RAD52: variants seen among roughly 807,000 people sequenced by gnomAD.
RAD52 encodes DNA repair protein RAD52 homolog.
Under a neutral mutation model 55.5 loss-of-function variants are expected in RAD52, and 47 were observed. The observed-to-expected ratio is 0.85, with a 90% confidence interval of 0.67 to 1.08. The LOEUF (loss-of-function observed/expected upper bound fraction) is 1.08. RAD52 is among the 50% of genes least tolerant of loss of function. The probability of loss-of-function intolerance (pLI) is 0.00; values close to 1 mark genes in which losing one functional copy is unlikely to be tolerated. For missense variants in RAD52, 468 were observed against 522.8 expected (o/e 0.90, Z 1.02); for synonymous variants, 184 against 198.9 (o/e 0.92, Z 0.63).
chr12:913,225 T>G lies in RAD52; in HGVS notation c.*166A>C. On this transcript the variant is annotated 3_prime_UTR_variant, in exon 12 of 12. Coordinates refer to ENST00000358495, the MANE Select transcript of RAD52 (RefSeq NM_134424.4). ...CAAGCTTTTCAAAAGTGCTCAGCTC[T>G]AACTGCAGTGGGCTCTCAGTCAGAT... is the stretch of plus-strand genomic sequence containing the variant. 1.5e-6 allele frequency: 1 copy of G among 662,072 alleles called. No homozygotes were observed. Among genetic ancestry groups the G allele is most frequent in the Non-Finnish European group, 2.7e-6 (1 of 376,578 alleles). The allele number at this position is 662,072 out of a possible 1,614,324, so 41.0% of individuals were successfully genotyped here.
At position 916,496 on chromosome 12, in the gene RAD52, G is replaced by T. The variant is rs903450295; in HGVS notation, c.726-13C>A. On this transcript the variant is annotated splice_polypyrimidine_tract_variant and intron_variant, in intron 8 of 11. Transcript: ENST00000358495. ...TGAGCTCAGGCTTCTGCATGAGAGG[G>T]CGGCGGCGAGGACGGGCTCCTGAGC... 1 of 1,606,210 alleles carries T rather than the reference G, an allele frequency of 6.2e-7. No individual in the cohort carries two copies. Among genetic ancestry groups the T allele is most frequent in the African/African-American group, 1.3e-5 (1 of 74,890 alleles).
rs190542448 is a variant in RAD52, at chr12:938,014, A to C, written c.-18-4938T>G. On this transcript the variant is annotated intron_variant, in intron 1 of 11. Coordinates refer to ENST00000358495, the MANE Select transcript of RAD52 (RefSeq NM_134424.4). ...CCCGTGGCAACAGGCTTGAAAACTC[A>C]CCCTTTGTTGTCAAACTTTCCTTTC... is the stretch of plus-strand genomic sequence containing the variant. 1.8e-4 allele frequency among the ~76,000 whole-genome samples: 27 copies of C among 151,932 alleles called. No individual in the cohort carries two copies. In the East Asian group the frequency reaches 5.0e-3, roughly 28 times the overall value.
upstream of RAD52, chr12:990,329 G>A (rs1338606241): frequency 6.6e-6 from 1 of 151,804 alleles, no homozygotes; most frequent in Admixed American, 6.6e-5. Context: ...TTAAATTAAT[G>A]GCTGTAGCTA....
At chr12:922,953 C>T (rs1034511391) in intron 7 of RAD52, among the ~76,000 whole-genome samples, 79 of 152,030 alleles carry the variant, frequency 5.2e-4, no homozygotes, top group Admixed American at 1.3e-4. Context: ...GCCTCAGCCT[C>T]CAGAAGAGCT....
chr12:983,158 C>T (rs901868826), intron 1 of RAD52, among the ~76,000 whole-genome samples: 2 of 152,018 alleles, frequency 1.3e-5, no homozygotes, highest in Non-Finnish European at 2.9e-5. Context: ...CTCAATCAGG[C>T]TTTTTCCAGC....
At chr12:967,106 C>T (rs1182997617) in intron 1 of RAD52, among the ~76,000 whole-genome samples, 3 of 151,988 alleles carry the variant, frequency 2.0e-5, no homozygotes, top group African/African-American at 7.3e-5. Context: ...GGTCTGGACA[C>T]AGTGGCTCAT....
chr12:961,520 A>C (rs370166813), intron 1 of RAD52, among the ~76,000 whole-genome samples: 3 of 151,940 alleles, frequency 2.0e-5, no homozygotes, highest in East Asian at 1.9e-4. Flanking sequence ...GCCCTAATCT[A>C]ACCTGACTGG....
intron 7 of RAD52, among the ~76,000 whole-genome samples, chr12:920,187 A>T (rs1248326028): frequency 9.1e-6 from 1 of 109,904 alleles, no homozygotes; most frequent in Non-Finnish European, 1.9e-5. Flanking sequence ...ACTGCACTCT[A>T]GCCTGGGCGG....
chr12:915,511 G>A (rs1005356324), intron 9 of RAD52, among the ~76,000 whole-genome samples: 3 of 152,162 alleles, frequency 2.0e-5, no homozygotes, highest in Non-Finnish European at 2.9e-5. Flanking sequence ...CTCTGAGTAA[G>A]GACTACCTAC....
chr12:918,970 T>C (rs945400690), intron 7 of RAD52, among the ~76,000 whole-genome samples: 1 of 152,160 alleles, frequency 6.6e-6, no homozygotes, highest in Non-Finnish European at 1.5e-5. Context: ...ACAGTACAAT[T>C]CCATTTGTGA....
At chr12:927,961 C>T (rs1447090009) in intron 5 of RAD52, among the ~76,000 whole-genome samples, 2 of 152,128 alleles carry the variant, frequency 1.3e-5, no homozygotes, top group East Asian at 3.8e-4. Context: ...CTTTGTAAAT[C>T]AGGTGGCGTC....
At position 912,795 on chromosome 12, in the gene RAD52, G is replaced by GA. The variant is rs945496379; in HGVS notation, c.*595dup. ...CTTAGATGATTATTTCCTTCCTTAG[G>GA]AAAAAATGTCAGTCTTGAAACAATG... On this transcript the variant is annotated 3_prime_UTR_variant, in exon 12 of 12. Transcript: ENST00000358495. The GA allele has an allele frequency of 3.3e-5, 6 of 179,134 alleles. No individual in the cohort carries two copies. Among genetic ancestry groups the GA allele is most frequent in the East Asian group, 9.4e-5 (1 of 10,650 alleles). The allele number at this position is 179,134 out of a possible 1,614,324, so 11.1% of individuals were successfully genotyped here.
rs148790198 is a variant in RAD52 at position 965,217 on chromosome 12, A to G, written c.-19+24592T>C. Among the ~76,000 whole-genome samples, 5 of 151,898 alleles carry G rather than the reference A, an allele frequency of 3.3e-5. No homozygotes were observed. The East Asian group carries it at 9.7e-4, about 30-fold the overall frequency. On this transcript the variant is annotated intron_variant, in intron 1 of 11. Coordinates refer to the RAD52 transcript ENST00000430095. ...TTGGTCTTGATCTCCTGACTTGGTG[A>G]TCCGCCCACCTCGACTCCCAAAGTG...
At chr12:949,039 G>GT (rs1314810966) in intron 1 of RAD52, among the ~76,000 whole-genome samples, 1 of 152,130 alleles carries the variant, frequency 6.6e-6, no homozygotes, top group East Asian at 1.9e-4. Context: ...CTCAGCTAAA[G>GT]TGAGCGTCAA....
chr12:953,504 C>T (rs1268876828), upstream of RAD52, among the ~76,000 whole-genome samples: 2 of 152,222 alleles, frequency 1.3e-5, no homozygotes, highest in Non-Finnish European at 2.9e-5. Context: ...TGTATGTCTA[C>T]GACCCAGTGA....
chr12:913,063 AG>A lies in RAD52; in HGVS notation c.*327del, dbSNP rs373916614. The A allele has an allele frequency of 1.9e-5, 4 of 208,182 alleles. No homozygotes were observed. The highest frequency in any genetic ancestry group is 8.8e-5 in the Admixed American group (1 of 11,310). 12.9% of individuals were successfully genotyped at this position (208,182 alleles called of 1,614,324 possible). A position where few individuals can be genotyped will look rare whatever the true frequency, so the allele number is the denominator to read the frequency against. The stretch of plus-strand genomic sequence containing the variant: ...GACCAAGTCTGGCCTATATTGCTTG[AG>A]GGCAAGGAGCCATTGGTGATTCCTA... On this transcript the variant is annotated 3_prime_UTR_variant, in exon 12 of 12. Transcript: ENST00000358495.
At position 912,734 on chromosome 12, in the gene RAD52, A is replaced by C. The variant is rs934428392; in HGVS notation, c.*657T>G. Reference sequence around the variant, plus strand: ...CCAGACCCCGTCTCAAAAAAAAAAAAAAAAAAAAAAACAAAAAACAGCCTT... The same window carrying C: ...CCAGACCCCGTCTCAAAAAAAAAAACAAAAAAAAAAACAAAAAACAGCCTT... On this transcript the variant is annotated 3_prime_UTR_variant, in exon 12 of 12. Transcript: ENST00000358495. The C allele has an allele frequency of 8.6e-5, 12 of 140,044 alleles. No individual in the cohort carries two copies. The highest frequency in any genetic ancestry group is 3.0e-3 in the Middle Eastern group (1 of 336). The allele number at this position is 140,044 out of a possible 1,614,324, so 8.7% of individuals were successfully genotyped here.
chr12:965,834 GCAC>G (rs1431273590), intron 1 of RAD52, among the ~76,000 whole-genome samples: 1 of 151,842 alleles, frequency 6.6e-6, no homozygotes, highest in African/African-American at 2.4e-5. Context: ...TTACACATAT[GCAC>G]CACCACACCT....
intron 1 of RAD52, among the ~76,000 whole-genome samples, chr12:984,822 G>T (rs1008509439): frequency 1.4e-4 from 22 of 152,262 alleles, no homozygotes; most frequent in South Asian, 4.1e-4. Flanking sequence ...CCGCCACCAT[G>T]CCCGGCTAAT....
Sources: allele counts gnomAD v4.1 joint callset (sites outside exome capture counted in the v4.1 genomes callset), GRCh38; gene constraint gnomAD v4.1.1; transcripts MANE v1.5; gene names NCBI Gene and HGNC (gene_info 2026-07-23, HGNC 2026-07-21).